PTPN13: variants seen among roughly 807,000 people sequenced by gnomAD.
PTPN13 encodes the protein protein tyrosine phosphatase non-receptor type 13, also known as tyrosine-protein phosphatase non-receptor type 13.
A neutral mutation model predicts 284.0 loss-of-function variants in PTPN13; 191 were observed. The ratio of observed to expected loss-of-function variants is 0.67; its 90% confidence interval spans 0.60 to 0.76. The LOEUF (loss-of-function observed/expected upper bound fraction) is 0.76, where lower values mean the gene tolerates loss of function less well. PTPN13 is among the 30% of genes least tolerant of loss of function. The probability of loss-of-function intolerance (pLI) is 0.00; values close to 1 mark genes in which losing one functional copy is unlikely to be tolerated. For synonymous variants in PTPN13, 986 were observed against 1,022.3 expected (o/e 0.96, Z 0.68); for missense variants, 2,797 against 2,939.9 (o/e 0.95, Z 1.12).
At chr4:86,682,007 C>A (rs1219682251) in intron 3 of PTPN13, among the ~76,000 whole-genome samples, 1 of 152,138 alleles carries the variant, frequency 6.6e-6, no homozygotes, top group Non-Finnish European at 1.5e-5. Context: ...ACACAGTAAG[C>A]ATTATGTACA....
chr4:86,797,145 G>C (rs191004610), intron 41 of PTPN13, among the ~76,000 whole-genome samples: 32 of 152,186 alleles, frequency 2.1e-4, no homozygotes, highest in Non-Finnish European at 4.1e-4. Context: ...GATCACTTGA[G>C]GTCAGGAGTT....
chr4:86,808,655 A>T (rs773537231), intron 45 of PTPN13, among the ~76,000 whole-genome samples: 1 of 152,198 alleles, frequency 6.6e-6, no homozygotes, highest in Non-Finnish European at 1.5e-5. Flanking sequence ...ATTGATTTAC[A>T]CTAGCTTACC....
chr4:86,772,942 T>C lies in PTPN13; in HGVS notation c.5333T>C (p.Leu1778Pro). 1 of 1,599,152 alleles carries C rather than the reference T, an allele frequency of 6.3e-7. No homozygotes were observed. The highest frequency in any genetic ancestry group is 8.5e-7 in the Non-Finnish European group (1 of 1,172,990). Residue 1778 changes from leucine to proline, a missense_variant, in exon 32 of 48, where the codon CTT (leucine) becomes CCT (proline). Coordinates refer to ENST00000411767, the MANE Select transcript of PTPN13 (RefSeq NM_080683.3). ...TPLKNDLENH[L>P]EDFELEVELL... ...TTGAAAAATGACTTGGAAAATCACC[T>C]TGAAGACTTTGAACTGGTAAGTTGT...
chr4:86,769,089 A>G (rs550268374), intron 28 of PTPN13, among the ~76,000 whole-genome samples: 33 of 151,964 alleles, frequency 2.2e-4, no homozygotes, highest in Admixed American at 2.6e-4. Flanking sequence ...GTATTTTTTA[A>G]TTATTTTCTG....
chr4:86,797,004 T>C, intron 41 of PTPN13, 75 bp downstream of exon 41: 1 of 1,007,984 alleles, frequency 9.9e-7, no homozygotes, highest in Non-Finnish European at 1.5e-6. Flanking sequence ...CCATTTGTTT[T>C]CCAGTATAAA....
At chr4:86,804,422 T>A (rs904677142) in intron 43 of PTPN13, among the ~76,000 whole-genome samples, 3 of 152,216 alleles carry the variant, frequency 2.0e-5, no homozygotes, top group Non-Finnish European at 2.9e-5. Flanking sequence ...TTAACTTTAA[T>A]AAGAGGTTCT....
chr4:86,595,547 A>G (rs1763596455), intron 1 of PTPN13: 1 of 152,980 alleles, frequency 6.5e-6, no homozygotes, highest in South Asian at 2.1e-4. Flanking sequence ...ATTTACAGCA[A>G]TACAGTTTTC....
At position 86,770,090 on chromosome 4, in the gene PTPN13, G is replaced by A. The variant is rs1739807869; in HGVS notation, c.4705-11G>A. The A allele has an allele frequency of 1.2e-6, 2 of 1,612,884 alleles. No individual in the cohort carries two copies. Among genetic ancestry groups the A allele is most frequent in the Middle Eastern group, 1.6e-4 (1 of 6,062 alleles). On this transcript the variant is annotated splice_polypyrimidine_tract_variant and intron_variant, in intron 29 of 47. Coordinates refer to ENST00000411767, the MANE Select transcript of PTPN13 (RefSeq NM_080683.3). ...AACTGTACCTTCATTTGTCATTCAT[G>A]GTACCCCCAGGAAGTCATATCTGCT... is the stretch of plus-strand genomic sequence containing the variant.
chr4:86,694,095 C>CTT, intron 6 of PTPN13, among the ~76,000 whole-genome samples: 1 of 144,364 alleles, frequency 6.9e-6, no homozygotes, highest in African/African-American at 2.5e-5. Flanking sequence ...TATCATATTT[C>CTT]TTTTTTTTTT....
At chr4:86,812,394 A>G (rs183044128) in intron 47 of PTPN13, among the ~76,000 whole-genome samples, 12 of 152,272 alleles carry the variant, frequency 7.9e-5, no homozygotes, top group Admixed American at 2.0e-4. Context: ...TGCTAGAATA[A>G]CAAAGATATT....
chr4:86,730,810 C>T (rs1340875660), intron 10 of PTPN13, among the ~76,000 whole-genome samples: 2 of 152,090 alleles, frequency 1.3e-5, no homozygotes, highest in Non-Finnish European at 2.9e-5. Flanking sequence ...GATTGCTGCA[C>T]CCACTGTCCA....
At chr4:86,672,650 A>G in intron 3 of PTPN13, 107 bp downstream of exon 3, 2 of 869,066 alleles carry the variant, frequency 2.3e-6, no homozygotes, top group Non-Finnish European at 3.4e-6. Flanking sequence ...TTGAGTTTTA[A>G]ATGACCGTGT....
intron 1 of PTPN13, 90 bp from the exon 2 acceptor site, chr4:86,635,160 TTA>T: frequency 7.4e-7 from 1 of 1,346,924 alleles, no homozygotes; most frequent in South Asian, 1.4e-5. Flanking sequence ...GACAGGGGGC[TTA>T]TAGTCTGTCA....
intron 37 of PTPN13, 141 bp downstream of exon 37, chr4:86,782,403 GAACT>G: frequency 1.3e-6 from 1 of 771,548 alleles, no homozygotes; most frequent in Non-Finnish European, 2.1e-6. Context: ...ATATTTTACT[GAACT>G]AATAGGCCTT....
intron 7 of PTPN13, among the ~76,000 whole-genome samples, chr4:86,710,111 A>C (rs1328883179): frequency 6.6e-6 from 1 of 152,226 alleles, no homozygotes; most frequent in African/African-American, 2.4e-5. Context: ...GAAGCATAGA[A>C]AAGAACACTT....
In PTPN13 at chr4:86,717,021, TAGTG is replaced by T; in HGVS notation, c.1292_1295del (p.Val431GlufsTer18). The T allele has an allele frequency of 1.2e-6, 2 of 1,603,608 alleles. No homozygotes were observed. Among genetic ancestry groups the T allele is most frequent in the Non-Finnish European group, 1.7e-6 (2 of 1,171,664 alleles). On this transcript the variant is annotated splice_acceptor_variant and coding_sequence_variant, in exon 9 of 48. Coordinates refer to ENST00000411767, the MANE Select transcript of PTPN13 (RefSeq NM_080683.3). LOFTEE classifies it high-confidence loss of function. Reference sequence around the variant, plus strand: ...CCATTATTTCTTTTTCATTCATAATTAGTGAGAAGAAGTGAAGCCTCAAAGAGGT... The same window carrying T: ...CCATTATTTCTTTTTCATTCATAATTAGAAGAAGTGAAGCCTCAAAGAGGT...
chr4:86,794,329 C>G (rs1743057506), intron 40 of PTPN13, among the ~76,000 whole-genome samples: 1 of 152,062 alleles, frequency 6.6e-6, no homozygotes, highest in South Asian at 2.1e-4. Context: ...ACCTAGGAAT[C>G]CAACTTACGA....
At position 86,775,158 on chromosome 4, in the gene PTPN13, C is replaced by T; in HGVS notation, c.5509-13C>T. On this transcript the variant is annotated splice_polypyrimidine_tract_variant and intron_variant, in intron 33 of 47. Transcript: ENST00000411767. Reference sequence around the variant, plus strand: ...AATTGTGATCTTCACATGCCCCTTTCTTGTTTTTGTAGGTTAATGATACAG... The same window carrying T: ...AATTGTGATCTTCACATGCCCCTTTTTTGTTTTTGTAGGTTAATGATACAG... The T allele has an allele frequency of 6.4e-7, 1 of 1,565,014 alleles. No individual in the cohort carries two copies. The highest frequency in any genetic ancestry group is 8.6e-7 in the Non-Finnish European group (1 of 1,159,330).
chr4:86,684,612 A>G (rs1039020592), intron 3 of PTPN13, among the ~76,000 whole-genome samples: 2 of 152,216 alleles, frequency 1.3e-5, no homozygotes, highest in Admixed American at 6.5e-5. Context: ...TAAGGGATAT[A>G]TTAAAGTGTT....
Sources: gnomAD v4.1 joint callset for allele counts (sites outside exome capture counted in the v4.1 genomes callset) on GRCh38, gnomAD v4.1.1 for gene constraint, MANE v1.5 for transcripts, NCBI Gene and HGNC (gene_info 2026-07-23, HGNC 2026-07-21) for gene names.